Variants in EDARADD observed in about 807,000 individuals in gnomAD.
EDARADD encodes the protein EDAR associated via death domain.
In EDARADD, 20 loss-of-function variants were observed where a neutral mutation model predicts 25.6. The observed-to-expected ratio is 0.78, with a 90% confidence interval of 0.55 to 1.14. The LOEUF is 1.14. Among genes scored for constraint, EDARADD ranks in the 50% most tolerant of loss-of-function variants. The pLI is 0.00. For missense variants in EDARADD, 225 were observed against 270.1 expected (o/e 0.83, Z 1.17); for synonymous variants, 86 against 94.4 (o/e 0.91, Z 0.52).
chr1:236,459,946 T>C (rs1658994884), intron 4 of EDARADD, among the ~76,000 whole-genome samples: 1 of 152,110 alleles, frequency 6.6e-6, no homozygotes, highest in Non-Finnish European at 1.5e-5. Context: ...TTCCCTGAGG[T>C]CTCACTTGAA....
chr1:236,458,243 G>A (rs990532731), intron 4 of EDARADD, among the ~76,000 whole-genome samples: 2 of 152,244 alleles, frequency 1.3e-5, no homozygotes, highest in Admixed American at 6.5e-5. Flanking sequence ...AAATAGAGAA[G>A]AGCTGCGGGT....
In EDARADD at chr1:236,414,305, T is replaced by C; in HGVS notation, c.160+6T>C. 1 of 1,605,226 alleles carries C rather than the reference T, an allele frequency of 6.2e-7. No individual in the cohort carries two copies. Among genetic ancestry groups the C allele is most frequent in the Non-Finnish European group, 8.5e-7 (1 of 1,172,272 alleles). On this transcript the variant is annotated splice_donor_region_variant and intron_variant, in intron 3 of 5. Transcript: ENST00000334232. ...AGATACGGAACTCCCTAAAGGTATG[T>C]ACAGTTAAAATAACTACTTGAACAT... is the stretch of plus-strand genomic sequence containing the variant.
upstream of EDARADD, chr1:236,394,262 A>T (rs1667473137): frequency 1.6e-6 from 1 of 623,942 alleles, no homozygotes; most frequent in Non-Finnish European, 2.8e-6. Context: ...CCCTTAAAAA[A>T]AATTTCCCTT....
chr1:236,468,264 G>T lies in EDARADD; in HGVS notation c.253G>T (p.Asp85Tyr). The T allele has an allele frequency of 1.9e-6, 3 of 1,614,084 alleles. No homozygotes were observed. Among genetic ancestry groups the T allele is most frequent in the Non-Finnish European group, 2.5e-6 (3 of 1,179,948 alleles). Reference sequence around the variant, plus strand: ...AAATGGCTTTCCAGATAGCACTGGAGATCCTCTTCCAGGTAAATGATTGAT... The same window carrying T: ...AAATGGCTTTCCAGATAGCACTGGATATCCTCTTCCAGGTAAATGATTGAT... ...EENGFPDSTG[D>Y]PLPEISKDNS... Residue 85 changes from aspartate (D) to tyrosine (Y), a missense_variant, in exon 5 of 6, where the codon GAT (aspartate) becomes TAT (tyrosine). Coordinates refer to ENST00000334232, the MANE Select transcript of EDARADD (RefSeq NM_145861.4).
At chr1:236,464,501 C>T (rs1046639285) in intron 4 of EDARADD, among the ~76,000 whole-genome samples, 3 of 134,050 alleles carry the variant, frequency 2.2e-5, no homozygotes, top group Non-Finnish European at 3.1e-5. Flanking sequence ...GGTGTGATCT[C>T]GGCTCAATGC....
chr1:236,350,700 A>G (rs1666905839), intron 2 of EDARADD: 1 of 152,074 alleles, frequency 6.6e-6, no homozygotes, highest in Non-Finnish European at 1.5e-5. Context: ...TTTTCCTCCT[A>G]CAGCTTTGAG....
chr1:236,440,994 T>G (rs937337641), intron 4 of EDARADD, among the ~76,000 whole-genome samples: 4 of 152,048 alleles, frequency 2.6e-5, no homozygotes, highest in African/African-American at 9.7e-5. Flanking sequence ...TAATTAAGTT[T>G]AGAGAGGAAG....
At chr1:236,443,794 G>A (rs1288263047) in intron 4 of EDARADD, among the ~76,000 whole-genome samples, 3 of 152,152 alleles carry the variant, frequency 2.0e-5, no homozygotes, top group Non-Finnish European at 2.9e-5. Flanking sequence ...CATAAACTTA[G>A]TACATAAATA....
At chr1:236,455,403 C>G (rs1236485663) in intron 4 of EDARADD, among the ~76,000 whole-genome samples, 1 of 152,182 alleles carries the variant, frequency 6.6e-6, no homozygotes, top group East Asian at 1.9e-4. Context: ...AGGCCCCTAC[C>G]TGCTTCTCTT....
At chr1:236,446,393 T>TA (rs1658539047) in intron 4 of EDARADD, among the ~76,000 whole-genome samples, 1 of 151,882 alleles carries the variant, frequency 6.6e-6, no homozygotes, top group African/African-American at 2.4e-5. Context: ...CTACTAAAAA[T>TA]AAAAAAAATT....
intron 3 of EDARADD, among the ~76,000 whole-genome samples, chr1:236,389,158 G>T (rs1343147644): frequency 6.6e-6 from 1 of 152,200 alleles, no homozygotes; most frequent in African/African-American, 2.4e-5. Flanking sequence ...TGGAAATGGT[G>T]CTGGGTGTGG....
chr1:236,404,228 A>G (rs1001756646), intron 1 of EDARADD, among the ~76,000 whole-genome samples: 2 of 152,216 alleles, frequency 1.3e-5, no homozygotes, highest in Non-Finnish European at 2.9e-5. Flanking sequence ...GCTTCTAGAT[A>G]AACGATTTGA....
intron 1 of EDARADD, among the ~76,000 whole-genome samples, chr1:236,406,676 T>A (rs2103006845): frequency 6.6e-6 from 1 of 152,352 alleles, no homozygotes; most frequent in South Asian, 2.1e-4. Context: ...TGTACGTTAA[T>A]GTGTCATGTT....
At chr1:236,476,736 G>A (rs1248255169) in intron 5 of EDARADD, among the ~76,000 whole-genome samples, 1 of 152,168 alleles carries the variant, frequency 6.6e-6, no homozygotes, top group Non-Finnish European at 1.5e-5. Context: ...TGTTGGTCAG[G>A]CTGGTCTTGA....
At chr1:236,367,084 CAAA>C (rs753983803) in intron 3 of EDARADD, among the ~76,000 whole-genome samples, 4 of 61,952 alleles carry the variant, frequency 6.5e-5, no homozygotes, top group African/African-American at 6.4e-5. Flanking sequence ...ACTCCATCGC[CAAA>C]AAAAAAAAAA....
chr1:236,364,440 CT>C (rs768956036), intron 3 of EDARADD, among the ~76,000 whole-genome samples: 2 of 152,160 alleles, frequency 1.3e-5, no homozygotes, highest in Non-Finnish European at 2.9e-5. Context: ...AAAAAACTAG[CT>C]GGGATTTTGA....
intron 3 of EDARADD, among the ~76,000 whole-genome samples, chr1:236,417,456 T>C (rs1657668219): frequency 6.6e-6 from 1 of 152,244 alleles, no homozygotes; most frequent in Non-Finnish European, 1.5e-5. Flanking sequence ...TCTAGTGTAA[T>C]TTCATTTGTC....
chr1:236,384,044 T>A (rs543711271), intron 3 of EDARADD, among the ~76,000 whole-genome samples: 1 of 152,338 alleles, frequency 6.6e-6, no homozygotes, highest in Non-Finnish European at 1.5e-5. Flanking sequence ...TGAGTTTATA[T>A]CGTGTAACTT....
chr1:236,431,820 C>T lies in EDARADD; in HGVS notation c.219+4370C>T, dbSNP rs1352496959. On this transcript the variant is annotated intron_variant, in intron 4 of 5. Coordinates refer to ENST00000334232, the MANE Select transcript of EDARADD (RefSeq NM_145861.4). Reference sequence around the variant, plus strand: ...CCTGTAGTCCCAGCTACTCGGGAGGCTGAGGCAGGAGAATGGCGTGAACCC... The same window carrying T: ...CCTGTAGTCCCAGCTACTCGGGAGGTTGAGGCAGGAGAATGGCGTGAACCC... 1.3e-4 allele frequency among the ~76,000 whole-genome samples: 13 copies of T among 102,134 alleles called. 3 individuals carry two copies. The highest frequency in any genetic ancestry group is 3.3e-4 in the African/African-American group (12 of 35,866). The allele number at this position is 102,134 out of a possible 152,430, so 67.0% of individuals were successfully genotyped here.
Sources: gnomAD v4.1 joint callset for allele counts (sites outside exome capture counted in the v4.1 genomes callset) on GRCh38, gnomAD v4.1.1 for gene constraint, MANE v1.5 for transcripts, NCBI Gene and HGNC (gene_info 2026-07-23, HGNC 2026-07-21) for gene names.